CRCP: variants seen among roughly 807,000 people sequenced by gnomAD.
CRCP encodes the protein CGRP receptor component.
Under a neutral mutation model 18.5 loss-of-function variants are expected in CRCP, and 18 were observed. The observed-to-expected ratio is 0.97, with a 90% CI of 0.67 to 1.44. CRCP has a LOEUF of 1.44. CRCP is among the 40% of genes most tolerant of loss of function. CRCP has a pLI of 0.00. For missense variants in CRCP, 130 were observed against 176.4 expected (o/e 0.74, Z 1.49); for synonymous variants, 53 against 62.9 (o/e 0.84, Z 0.75).
chr7:66,129,134 A>T (rs13245011), intron 2 of CRCP, among the ~76,000 whole-genome samples: 55 of 151,988 alleles, frequency 3.6e-4, no homozygotes. Flanking sequence ...GAGATCAAGA[A>T]CATCCTGGCT....
intron 1 of CRCP, among the ~76,000 whole-genome samples, chr7:66,121,034 CATAATA>C (rs10607378): frequency 0.018 from 2,600 of 145,176 alleles, 60 homozygotes; most frequent in East Asian, 0.093. Context: ...GTAACTAATA[CATAATA>C]ATAATAATAA....
In CRCP at chr7:66,131,957, C is replaced by T. The variant is rs531954965; in HGVS notation, c.144+1115C>T. On this transcript the variant is annotated intron_variant, in intron 3 of 5. Coordinates refer to ENST00000395326, the MANE Select transcript of CRCP (RefSeq NM_014478.5). ...TGTATTTTTAGTAGAGACAGGGTTT[C>T]TCCATGTTGGTCAGGCGGGTATCAA... Among the ~76,000 whole-genome samples the T allele has an allele frequency of 8.5e-5, 13 of 152,230 alleles. No individual in the cohort carries two copies. In the South Asian group the frequency reaches 2.7e-3, roughly 32 times the overall value.
intron 4 of CRCP, among the ~76,000 whole-genome samples, chr7:66,144,248 T>A (rs1157266351): frequency 6.6e-6 from 1 of 152,178 alleles, no homozygotes; most frequent in African/African-American, 2.4e-5. Context: ...GATCACTATA[T>A]CTAACTGTCA....
intron 5 of CRCP, among the ~76,000 whole-genome samples, chr7:66,146,431 G>A (rs773355586): frequency 1.3e-5 from 2 of 150,714 alleles, no homozygotes; most frequent in Non-Finnish European, 2.9e-5. Context: ...TAAGCAGGCC[G>A]TCTAATTGCC....
At chr7:66,139,463 C>G (rs1283872045) in intron 4 of CRCP, among the ~76,000 whole-genome samples, 1 of 152,210 alleles carries the variant, frequency 6.6e-6, no homozygotes, top group East Asian at 1.9e-4. Flanking sequence ...ATGGGCTTGG[C>G]ATCTGTTGAT....
chr7:66,127,661 G>C (rs776056773), intron 1 of CRCP, 43 bp from the exon 2 acceptor site: 1 of 1,609,738 alleles, frequency 6.2e-7, no homozygotes, highest in African/African-American at 1.3e-5. Context: ...ACCCAGAAAG[G>C]GGTGTGAGCC....
intron 4 of CRCP, among the ~76,000 whole-genome samples, chr7:66,142,016 G>A (rs1788155661): frequency 6.6e-6 from 1 of 152,094 alleles, no homozygotes; most frequent in African/African-American, 2.4e-5. Flanking sequence ...GGTTGTGAAT[G>A]TCTTTGCTGA....
At position 66,145,882 on chromosome 7, in the gene CRCP, C is replaced by T. The variant is rs374681530; in HGVS notation, c.297+382C>T. 1.8e-4 allele frequency among the ~76,000 whole-genome samples: 28 copies of T among 152,328 alleles called. No homozygotes were observed. In the East Asian group the frequency reaches 4.4e-3, roughly 24 times the overall value. ...CCCACCCTTCACCCTGCTCTTGCTT[C>T]CTCTCTTTCTGGGTGAGGGGAGCAT... On this transcript the variant is annotated intron_variant, in intron 5 of 5. Transcript: ENST00000395326.
intron 4 of CRCP, 48 bp from the exon 5 acceptor site, chr7:66,145,395 A>G (rs765708829): frequency 8.8e-6 from 14 of 1,596,318 alleles, no homozygotes; most frequent in Non-Finnish European, 1.2e-5. Context: ...GTCAGGACTC[A>G]GGACTTAGGG....
At chr7:66,151,414 G>A (rs551980278) in intron 5 of CRCP, among the ~76,000 whole-genome samples, 20 of 152,096 alleles carry the variant, frequency 1.3e-4, no homozygotes, top group African/African-American at 4.3e-4. Context: ...CGAAAAATAC[G>A]AACAGTTAAC....
At chr7:66,127,459 G>A (rs965319623) in intron 1 of CRCP, among the ~76,000 whole-genome samples, 4 of 152,236 alleles carry the variant, frequency 2.6e-5, no homozygotes, top group Admixed American at 6.5e-5. Flanking sequence ...ATGGGAGGCA[G>A]ATAGTAATGG....
In CRCP at chr7:66,152,268, G is replaced by A. The variant is rs780021619; in HGVS notation, c.358G>A (p.Val120Ile). 9.3e-6 allele frequency: 15 copies of A among 1,614,086 alleles called. No homozygotes were observed. Among genetic ancestry groups the A allele is most frequent in the Middle Eastern group, 1.6e-4 (1 of 6,062 alleles). The change falls in exon 6 of 6, where the codon GTC becomes ATC. Residue 120 changes from valine (V) to isoleucine (I), a missense_variant. Physicochemically the swap from Val to Ile is conservative, Grantham distance 29. Coordinates refer to ENST00000395326, the MANE Select transcript of CRCP (RefSeq NM_014478.5). ...GCAGATTGAAGCTCTTCTCCACACC[G>A]TCACCAGCATTCTGCCTGCAGAGCC... Reference protein sequence around the residue: ...EEQIEALLHTVTSILPAEPEA... With the variant: ...EEQIEALLHTITSILPAEPEA...
intron 1 of CRCP, chr7:66,119,705 G>C (rs1047163697): frequency 6.6e-6 from 1 of 152,216 alleles, no homozygotes; most frequent in African/African-American, 2.4e-5. Context: ...AGTGAGAGCA[G>C]AGGAAAAACT....
intron 1 of CRCP, among the ~76,000 whole-genome samples, chr7:66,123,111 C>T (rs920759367): frequency 3.7e-4 from 56 of 152,058 alleles, no homozygotes; most frequent in African/African-American, 1.3e-3. Context: ...CCCGCCACTA[C>T]GCCCGGCTAA....
chr7:66,133,178 TA>T (rs1446727077), intron 3 of CRCP, among the ~76,000 whole-genome samples: 8 of 152,210 alleles, frequency 5.3e-5, no homozygotes, highest in Admixed American at 1.3e-4. Flanking sequence ...TAGTTATGAC[TA>T]TGGTACAATT....
chr7:66,115,456 A>C (rs1787230436), intron 1 of CRCP, among the ~76,000 whole-genome samples: 1 of 152,122 alleles, frequency 6.6e-6, no homozygotes, highest in African/African-American at 2.4e-5. Context: ...TGGGAGCAGT[A>C]AACACTGTGA....
intron 4 of CRCP, among the ~76,000 whole-genome samples, chr7:66,134,977 T>A (rs544084759): frequency 6.6e-6 from 1 of 152,192 alleles, no homozygotes; most frequent in Non-Finnish European, 1.5e-5. Flanking sequence ...GGAAACAATA[T>A]GTGTAGATGT....
intron 1 of CRCP, among the ~76,000 whole-genome samples, chr7:66,123,581 T>C (rs1787516618): frequency 6.6e-6 from 1 of 151,886 alleles, no homozygotes; most frequent in South Asian, 2.1e-4. Flanking sequence ...AAACCCCGTC[T>C]CTACTAAAAA....
chr7:66,125,569 A>C (rs1787595589), intron 1 of CRCP, among the ~76,000 whole-genome samples: 1 of 149,358 alleles, frequency 6.7e-6, no homozygotes, highest in Admixed American at 6.7e-5. Flanking sequence ...ATCCCAAAAC[A>C]CAGATTCATT....
Sources: gnomAD v4.1 joint callset for allele counts (sites outside exome capture counted in the v4.1 genomes callset) on GRCh38, gnomAD v4.1.1 for gene constraint, MANE v1.5 for transcripts, NCBI Gene and HGNC (gene_info 2026-07-23, HGNC 2026-07-21) for gene names.